ZBTB4: variants seen among roughly 807,000 people sequenced by gnomAD.
ZBTB4 encodes zinc finger and BTB domain containing 4.
A neutral mutation model predicts 59.8 loss-of-function variants in ZBTB4; 14 were observed. The observed-to-expected ratio is 0.23, with a 90% CI of 0.15 to 0.37. The LOEUF (loss-of-function observed/expected upper bound fraction) is 0.37, where lower values mean the gene tolerates loss of function less well. Ranked by LOEUF, ZBTB4 falls within the 10% of genes least tolerant of loss-of-function variation. ZBTB4 has a pLI of 1.00. For missense variants in ZBTB4, 1,198 were observed against 1,380.8 expected, an observed-to-expected ratio of 0.87 and a Z score of 2.10; for synonymous variants, 587 against 575.2, an observed-to-expected ratio of 1.02 and a Z score of -0.29.
At chr17:7,463,926 A>G in intron 3 of ZBTB4, 36 bp from the exon 4 acceptor site, 1 of 1,583,042 alleles carries the variant, frequency 6.3e-7, no homozygotes, top group Non-Finnish European at 8.6e-7. Context: ...GCAGGAACAC[A>G]GGCACTTGAG....
In ZBTB4 at chr17:7,467,258, T is replaced by C; in HGVS notation, c.-11A>G. On this transcript the variant is annotated splice_region_variant and 5_prime_UTR_variant, in exon 2 of 4. Coordinates refer to ENST00000380599, the MANE Select transcript of ZBTB4 (RefSeq NM_001128833.2). ...GTAGGCCTCTGGGTACCTTCTCACC[T>C]GAGAGCACAGCCAACATGGAGTGGG... 1.0e-6 allele frequency: 1 copy of C among 992,336 alleles called. No individual in the cohort carries two copies. Among genetic ancestry groups the C allele is most frequent in the South Asian group, 4.7e-5 (1 of 21,448 alleles). 61.5% of individuals were successfully genotyped at this position (992,336 alleles called of 1,614,324 possible).
rs746827863 is a variant in ZBTB4, at chr17:7,466,526, CGAGGAA to C, written c.270_275del (p.Ser99_Ser100del). 2 of 1,610,616 alleles carry C rather than the reference CGAGGAA, an allele frequency of 1.2e-6. No individual in the cohort carries two copies. The highest frequency in any genetic ancestry group is 1.7e-6 in the Non-Finnish European group (2 of 1,178,582). ...CAGAGGAGGAAGAAGAGGAAGAAGA[CGAGGAA>C]GAGGAGGAGGAGGAAGAGGCAGCTG... is the stretch of plus-strand genomic sequence containing the variant. On this transcript the variant is annotated inframe_deletion, in exon 3 of 4. Coordinates refer to ENST00000380599, the MANE Select transcript of ZBTB4 (RefSeq NM_001128833.2). The surrounding 1 kb of genome is among the most constrained non-coding windows in gnomAD (Gnocchi z 9.1).
Position 7,466,458 on chromosome 17 carries a change from G to A in ZBTB4, c.344C>T (p.Ala115Val). 9.9e-6 allele frequency: 16 copies of A among 1,612,652 alleles called. No individual in the cohort carries two copies. Among genetic ancestry groups the A allele is most frequent in the Non-Finnish European group, 1.3e-5 (15 of 1,179,418 alleles). ...GGGTGGGGAAGAAGCAGGGGGAGAG[G>A]CTGGAGGGGGAGAGGAAGAGGAAGA... ...SSSSSSSPPP[A>V]SPPASSPPRV... Residue 115 changes from alanine to valine, a missense_variant, in exon 3 of 4, where the codon GCC becomes GTC. Ala to Val is a moderately conservative substitution (Grantham distance 64). Transcript: ENST00000380599. The surrounding 1 kb of genome is among the most constrained non-coding windows in gnomAD (Gnocchi z 9.1).
intron 1 of ZBTB4, among the ~76,000 whole-genome samples, chr17:7,477,280 G>A (rs1291521836): frequency 6.6e-6 from 1 of 152,216 alleles, no homozygotes; most frequent in African/African-American, 2.4e-5. Context: ...TGGAAGATAC[G>A]CAGGGCAGAC....
intron 1 of ZBTB4, among the ~76,000 whole-genome samples, chr17:7,477,832 CTCTG>C (rs1316055105): frequency 6.6e-6 from 1 of 152,166 alleles, no homozygotes; most frequent in South Asian, 2.1e-4. Context: ...CAAGGAGCCT[CTCTG>C]TCTAAGCTTA....
intron 1 of ZBTB4, among the ~76,000 whole-genome samples, chr17:7,470,974 C>A (rs2150859690): frequency 6.6e-6 from 1 of 152,270 alleles, no homozygotes; most frequent in South Asian, 2.1e-4. Context: ...TCAAGCTTTG[C>A]CTCCAGTCCC....
At chr17:7,480,576 C>T (rs1051220195), upstream of ZBTB4, among the ~76,000 whole-genome samples, 12 of 152,098 alleles carry the variant, frequency 7.9e-5, no homozygotes, top group East Asian at 2.1e-3. Context: ...AAAAATTAGC[C>T]GGGCGTGGTG....
At chr17:7,472,634 CTTTTTTTT>C (rs71157290) in intron 1 of ZBTB4, among the ~76,000 whole-genome samples, 9 of 72,922 alleles carry the variant, frequency 1.2e-4, no homozygotes, top group Non-Finnish European at 2.1e-4. Context: ...CCTGGCCATT[CTTTTTTTT>C]TTTTTTTTTT....
intron 1 of ZBTB4, among the ~76,000 whole-genome samples, chr17:7,475,095 G>C (rs1211978909): frequency 6.7e-6 from 1 of 150,230 alleles, no homozygotes; most frequent in Non-Finnish European, 1.5e-5. Flanking sequence ...AAGGCAGGTG[G>C]ATCACCTGAG....
chr17:7,461,899 G>A lies in ZBTB4; in HGVS notation c.*41C>T, dbSNP rs2150847939. The A allele has an allele frequency of 1.3e-6, 2 of 1,504,604 alleles. No individual in the cohort carries two copies. The highest frequency in any genetic ancestry group is 2.2e-5 in the Admixed American group (1 of 45,406). 93.2% of individuals were successfully genotyped at this position (1,504,604 alleles called of 1,614,324 possible). Reference sequence around the variant, plus strand: ...GAGCTGGTAGTGGTGGGGGGTTCAGGGAGGGTGGCATCTGGTGAAAGGGGG... The same window carrying A: ...GAGCTGGTAGTGGTGGGGGGTTCAGAGAGGGTGGCATCTGGTGAAAGGGGG... On this transcript the variant is annotated 3_prime_UTR_variant, in exon 4 of 4. Coordinates refer to ENST00000380599, the MANE Select transcript of ZBTB4 (RefSeq NM_001128833.2).
In ZBTB4 at chr17:7,460,577, TGG is replaced by T. The variant is rs2070006962; in HGVS notation, c.*1361_*1362del. 1 of 152,314 alleles carries T rather than the reference TGG, an allele frequency of 6.6e-6. No homozygotes were observed. The highest frequency in any genetic ancestry group is 1.5e-5 in the Non-Finnish European group (1 of 68,030). 9.4% of individuals were successfully genotyped at this position (152,314 alleles called of 1,614,324 possible). A position where few individuals can be genotyped will look rare whatever the true frequency, so the allele number is the denominator to read the frequency against. On this transcript the variant is annotated 3_prime_UTR_variant, in exon 4 of 4. Coordinates refer to ENST00000380599, the MANE Select transcript of ZBTB4 (RefSeq NM_001128833.2). ...ATTTTTTGGGGGGAGGTGGGTGGGA[TGG>T]GAAATATTTATCCAATCACAGAGCA...
rs745442421 is a variant in ZBTB4, at chr17:7,462,918, C to T, written c.2064G>A (p.Gly688=). ...GTGGTGGCCGGCGGCCTCGGGGCAGCCCACTGCCCCCCACACTGGCACCTC... is the reference window on the plus strand; with the variant it reads ...GTGGTGGCCGGCGGCCTCGGGGCAGTCCACTGCCCCCCACACTGGCACCTC... ...AAGGASVGGS[G]LPRGRRPPRW... is the part of the protein sequence containing the mutation. Residue 688 remains glycine (G), a synonymous_variant, in exon 4 of 4, where the codon GGG becomes GGA. Coordinates refer to ENST00000380599, the MANE Select transcript of ZBTB4 (RefSeq NM_001128833.2). The surrounding 1 kb of genome is among the most constrained non-coding windows in gnomAD (Gnocchi z 7.5). 26 of 1,608,538 alleles carry T rather than the reference C, an allele frequency of 1.6e-5. No individual in the cohort carries two copies. Among genetic ancestry groups the T allele is most frequent in the Admixed American group, 5.0e-5 (3 of 59,830 alleles).
At chr17:7,483,727 G>A (rs1434010405), upstream of ZBTB4, among the ~76,000 whole-genome samples, 2 of 152,064 alleles carry the variant, frequency 1.3e-5, no homozygotes, top group South Asian at 2.1e-4. Flanking sequence ...GATCTCTCCC[G>A]GACAGTGGCC....
At chr17:7,464,984 G>A (rs766597594) in intron 3 of ZBTB4, among the ~76,000 whole-genome samples, 2 of 149,670 alleles carry the variant, frequency 1.3e-5, no homozygotes, top group East Asian at 2.0e-4. Flanking sequence ...GTGAAACCCC[G>A]TCTCTACTAA....
upstream of ZBTB4, chr17:7,482,475 G>C (rs755877161): frequency 1.9e-6 from 3 of 1,613,874 alleles, no homozygotes; most frequent in Non-Finnish European, 2.5e-6. Context: ...GGACTGTTGG[G>C]CAGCATCCTA....
chr17:7,482,651 G>A, upstream of ZBTB4: 1 of 1,612,060 alleles, frequency 6.2e-7, no homozygotes, highest in South Asian at 1.1e-5. Context: ...CCCAACAGTG[G>A]CCTTCCTATC....
chr17:7,462,755 T>C lies in ZBTB4; in HGVS notation c.2227A>G (p.Lys743Glu). The change falls in exon 4 of 4, where the codon AAG becomes GAG. Residue 743 changes from lysine (K) to glutamate (E), a missense_variant. Lys to Glu is a moderately conservative substitution (Grantham distance 56). Coordinates refer to ENST00000380599, the MANE Select transcript of ZBTB4 (RefSeq NM_001128833.2). This position sits in a 1 kb window ranked among gnomAD's most constrained non-coding sequence, Gnocchi z 7.5. ...QTFTTLRKLR[K>E]HQEAHGGGSH... ...CCCCCACCGTGGGCCTCTTGGTGCT[T>C]CCGCAGCTTTCTCAGGGTGGTGAAG... The C allele has an allele frequency of 6.2e-7, 1 of 1,602,958 alleles. No homozygotes were observed. The highest frequency in any genetic ancestry group is 8.5e-7 in the Non-Finnish European group (1 of 1,179,830).
In ZBTB4 at chr17:7,466,730, C is replaced by T. The variant is rs774750118; in HGVS notation, c.72G>A (p.Arg24=). 1 of 1,601,384 alleles carries T rather than the reference C, an allele frequency of 6.2e-7. No homozygotes were observed. Among genetic ancestry groups the T allele is most frequent in the Non-Finnish European group, 8.5e-7 (1 of 1,174,888 alleles). ...PAVLRQLNEQ[R]LRGLFCDVTL... ...TGACGTCACAGAAGAGGCCACGGAG[C>T]CGCTGTTCATTGAGCTGGCGCAGGA... The change falls in exon 3 of 4, where the codon CGG becomes CGA. Residue 24 remains arginine, a synonymous_variant. Coordinates refer to ENST00000380599, the MANE Select transcript of ZBTB4 (RefSeq NM_001128833.2). The surrounding 1 kb of genome is among the most constrained non-coding windows in gnomAD (Gnocchi z 9.1).
chr17:7,482,141 T>G (rs565658208), upstream of ZBTB4: 40 of 1,614,168 alleles, frequency 2.5e-5, no homozygotes, highest in Middle Eastern at 8.3e-4. Flanking sequence ...GCCTGCTGGC[T>G]TCGTGGGCCC....
Sources: gnomAD v4.1 joint callset for allele counts (sites outside exome capture counted in the v4.1 genomes callset) on GRCh38, gnomAD v4.1.1 for gene constraint, Gnocchi (gnomAD v3.1) non-coding constraint, MANE v1.5 for transcripts, NCBI Gene and HGNC (gene_info 2026-07-23, HGNC 2026-07-21) for gene names.